Variants in RASAL1 observed in about 807,000 individuals in gnomAD.
RASAL1 encodes the protein RAS protein activator like 1.
In RASAL1, 72 loss-of-function variants were observed where a neutral mutation model predicts 96.6. That is an observed-to-expected ratio of 0.75 (90% CI 0.62 to 0.91). The LOEUF is 0.91. Ranked by LOEUF, RASAL1 falls within the 40% of genes least tolerant of loss-of-function variation. The probability of loss-of-function intolerance (pLI) is 0.00; values close to 1 mark genes in which losing one functional copy is unlikely to be tolerated. For missense variants in RASAL1, 1,016 were observed against 1,072.5 expected (o/e 0.95, Z 0.74); for synonymous variants, 405 against 430.4 (o/e 0.94, Z 0.73).
intron 4 of RASAL1, among the ~76,000 whole-genome samples, chr12:113,122,320 C>G (rs1259238201): frequency 6.6e-6 from 1 of 152,142 alleles, no homozygotes; most frequent in Admixed American, 6.5e-5. Flanking sequence ...GTATTTCTCT[C>G]AACACTTTGA....
intron 5 of RASAL1, among the ~76,000 whole-genome samples, chr12:113,120,153 C>A (rs1288371775): frequency 6.6e-6 from 1 of 152,332 alleles, no homozygotes; most frequent in East Asian, 1.9e-4. Flanking sequence ...ACCACCACCC[C>A]ACCCCCACAC....
chr12:113,127,690 A>G, intron 4 of RASAL1, 122 bp downstream of exon 4: 1 of 819,532 alleles, frequency 1.2e-6, no homozygotes. Context: ...TAAAGACAAA[A>G]GCAACAAGAG....
At chr12:113,128,381 G>A (rs1951576432) in intron 2 of RASAL1, among the ~76,000 whole-genome samples, 1 of 150,544 alleles carries the variant, frequency 6.6e-6, no homozygotes, top group African/African-American at 2.5e-5. Context: ...CAAGATCCTA[G>A]ATATGTACTC....
At chr12:113,128,025 G>T in intron 3 of RASAL1, 40 bp downstream of exon 3, 1 of 1,600,782 alleles carries the variant, frequency 6.2e-7, no homozygotes, top group Non-Finnish European at 8.6e-7. Flanking sequence ...CCCAGGCTTG[G>T]GTCCCTAACC....
intron 4 of RASAL1, among the ~76,000 whole-genome samples, chr12:113,125,422 G>T (rs1360683317): frequency 2.0e-5 from 3 of 152,170 alleles, no homozygotes; most frequent in Non-Finnish European, 2.9e-5. Flanking sequence ...AAACAACCTA[G>T]TGGGGGGAAA....
chr12:113,106,179 T>C (rs2136117965), intron 15 of RASAL1, among the ~76,000 whole-genome samples: 1 of 152,144 alleles, frequency 6.6e-6, no homozygotes, highest in Non-Finnish European at 1.5e-5. Context: ...TGGGGTCCCA[T>C]CCAGGCAATG....
At chr12:113,105,522 G>A (rs1950612922) in intron 16 of RASAL1, among the ~76,000 whole-genome samples, 192 bp downstream of exon 16, 1 of 152,274 alleles carries the variant, frequency 6.6e-6, no homozygotes, top group African/African-American at 2.4e-5. Flanking sequence ...GATGGTGCCT[G>A]TCCATGTCCT....
At chr12:113,114,053 C>A (rs921812567) in intron 12 of RASAL1, among the ~76,000 whole-genome samples, 2 of 152,220 alleles carry the variant, frequency 1.3e-5, no homozygotes, top group African/African-American at 4.8e-5. Context: ...GTTAACGGAG[C>A]AGAGGTCATG....
rs1429736560 is a variant in RASAL1, at chr12:113,128,114, G to A, written c.187C>T (p.Leu63=). Residue 63 remains leucine (L), a synonymous_variant, in exon 3 of 21, where the codon CTG becomes TTG. Transcript: ENST00000548055. ...WGEEYTVHLP[L]DFHQLAFYVL... is the part of the protein sequence containing the mutation. The stretch of plus-strand genomic sequence containing the variant: ...TAGAAGGCCAGCTGGTGGAAATCCA[G>A]AGGCAGGTGCACCGTGTACTCCTCC... 4 of 1,613,986 alleles carry A rather than the reference G, an allele frequency of 2.5e-6. No homozygotes were observed. The South Asian group carries it at 3.3e-5, about 13-fold the overall frequency.
chr12:113,114,622 A>G (rs945186201), intron 12 of RASAL1, among the ~76,000 whole-genome samples, 178 bp downstream of exon 12: 5 of 152,210 alleles, frequency 3.3e-5, no homozygotes, highest in East Asian at 1.9e-4. Context: ...CATAACCCCT[A>G]TACTACACAG....
Position 113,101,905 on chromosome 12 carries a change from CCAGGAGCAGCTGCCGATA to C in RASAL1, c.2191_2208del (p.Tyr731_Leu736del), listed in dbSNP as rs779459111. ...GGCACCCACCTGAGCTGGTCCCGCC[CCAGGAGCAGCTGCCGATA>C]CACTGTCTGGGCCTCAGCATCAGGA... is the stretch of plus-strand genomic sequence containing the variant. On this transcript the variant is annotated inframe_deletion, in exon 19 of 21. Transcript: ENST00000548055. 1 of 1,613,816 alleles carries C rather than the reference CCAGGAGCAGCTGCCGATA, an allele frequency of 6.2e-7. No homozygotes were observed. The highest frequency in any genetic ancestry group is 8.5e-7 in the Non-Finnish European group (1 of 1,179,852).
chr12:113,132,398 T>A (rs2136274098), intron 1 of RASAL1, among the ~76,000 whole-genome samples: 1 of 152,254 alleles, frequency 6.6e-6, no homozygotes, highest in Admixed American at 6.5e-5. Flanking sequence ...TGGCATGCAT[T>A]TGGCCCTCTA....
In RASAL1 at chr12:113,100,688, G is replaced by A; in HGVS notation, c.2226-8C>T. The A allele has an allele frequency of 6.2e-7, 1 of 1,607,080 alleles. No individual in the cohort carries two copies. The highest frequency in any genetic ancestry group is 8.5e-7 in the Non-Finnish European group (1 of 1,174,494). On this transcript the variant is annotated splice_region_variant and splice_polypyrimidine_tract_variant and intron_variant, in intron 19 of 20. Coordinates refer to ENST00000548055, the MANE Select transcript of RASAL1 (RefSeq NM_001301202.2). Reference sequence around the variant, plus strand: ...TCCTCCAGTAATTTCAGCCTGGAAGGTAAGAGGGAGAAAGACAAGTCTGGT... The same window carrying A: ...TCCTCCAGTAATTTCAGCCTGGAAGATAAGAGGGAGAAAGACAAGTCTGGT...
At chr12:113,132,259 C>T (rs1359066400) in intron 1 of RASAL1, among the ~76,000 whole-genome samples, 1 of 152,166 alleles carries the variant, frequency 6.6e-6, no homozygotes, top group African/African-American at 2.4e-5. Flanking sequence ...AGGCGTGAGC[C>T]ACCACAGCCG....
chr12:113,107,832 T>C (rs1950705712), intron 14 of RASAL1, among the ~76,000 whole-genome samples: 1 of 152,272 alleles, frequency 6.6e-6, no homozygotes. Flanking sequence ...TAATTCATAC[T>C]AAGGTGTGAA....
At chr12:113,102,728 A>G (rs987080033) in intron 18 of RASAL1, among the ~76,000 whole-genome samples, 1 of 152,140 alleles carries the variant, frequency 6.6e-6, no homozygotes, top group Non-Finnish European at 1.5e-5. Flanking sequence ...AAAAACAAAA[A>G]TAAAAAAACC....
chr12:113,117,032 A>C, intron 8 of RASAL1, 41 bp downstream of exon 8: 1 of 1,468,832 alleles, frequency 6.8e-7, no homozygotes. Flanking sequence ...GCTGCCCGGC[A>C]TGGCTCCAGC....
At chr12:113,124,170 A>G (rs1052843318) in intron 4 of RASAL1, among the ~76,000 whole-genome samples, 22 of 150,080 alleles carry the variant, frequency 1.5e-4, no homozygotes, top group African/African-American at 5.4e-4. Flanking sequence ...GTGATCTGAG[A>G]TCATGCCACT....
chr12:113,128,314 C>T, intron 2 of RASAL1, 136 bp from the exon 3 acceptor site: 1 of 615,752 alleles, frequency 1.6e-6, no homozygotes. Flanking sequence ...TCAGAGACCC[C>T]CCACATGAAC....
Sources: allele counts gnomAD v4.1 joint callset (sites outside exome capture counted in the v4.1 genomes callset), GRCh38; gene constraint gnomAD v4.1.1; transcripts MANE v1.5; gene names NCBI Gene and HGNC (gene_info 2026-07-23, HGNC 2026-07-21).